The following PTPRT variants were observed in gnomAD, a reference collection of about 807,000 sequenced individuals.
The protein encoded by PTPRT is protein tyrosine phosphatase receptor type T.
PTPRT carries 56 observed loss-of-function variants against 176.8 expected under a neutral mutation model. The ratio of observed to expected loss-of-function variants is 0.32; its 90% CI spans 0.26 to 0.40. The LOEUF is 0.40. Ranked by LOEUF, PTPRT falls within the 10% of genes least tolerant of loss-of-function variation. The pLI, the probability that PTPRT is intolerant of heterozygous loss-of-function variation, is 1.00. For synonymous variants in PTPRT, 783 were observed against 739.0 expected (o/e 1.06, Z -0.96); for missense variants, 1,540 against 1,908.2 (o/e 0.81, Z 3.60).
intron 1 of PTPRT, among the ~76,000 whole-genome samples, chr20:43,073,488 C>G (rs1308385425): frequency 6.6e-6 from 1 of 150,686 alleles, no homozygotes; most frequent in Admixed American, 6.6e-5. Flanking sequence ...TATACACACA[C>G]ACACACGTGT....
intron 13 of PTPRT, among the ~76,000 whole-genome samples, chr20:42,274,371 G>A (rs1479633262): frequency 6.6e-6 from 1 of 152,164 alleles, no homozygotes; most frequent in African/African-American, 2.4e-5. Context: ...AAGCTACTGG[G>A]AGTTGGGTAT....
intron 7 of PTPRT, among the ~76,000 whole-genome samples, chr20:42,482,370 C>T (rs1360363155): frequency 6.6e-6 from 1 of 152,126 alleles, no homozygotes; most frequent in Non-Finnish European, 1.5e-5. Flanking sequence ...GGTCCTCCTA[C>T]CATCCCTAAG....
At chr20:43,124,437 G>A (rs917178247) in intron 1 of PTPRT, among the ~76,000 whole-genome samples, 2 of 152,068 alleles carry the variant, frequency 1.3e-5, no homozygotes, top group Non-Finnish European at 2.9e-5. Context: ...GTCTCTTCTC[G>A]GGAGGAACCA....
intron 7 of PTPRT, among the ~76,000 whole-genome samples, chr20:42,538,534 T>A (rs992365364): frequency 6.6e-6 from 1 of 152,166 alleles, no homozygotes; most frequent in Non-Finnish European, 1.5e-5. Flanking sequence ...TCTTGCTAAT[T>A]GCCACTAATG....
At chr20:42,197,207 G>A (rs968639292) in intron 16 of PTPRT, among the ~76,000 whole-genome samples, 11 of 151,630 alleles carry the variant, frequency 7.3e-5, no homozygotes, top group African/African-American at 2.4e-4. Context: ...GTGAAACCCC[G>A]TCTCGACTAA....
intron 18 of PTPRT, among the ~76,000 whole-genome samples, chr20:42,141,580 C>T (rs1466714338): frequency 6.6e-6 from 1 of 152,186 alleles, no homozygotes; most frequent in Non-Finnish European, 1.5e-5. Flanking sequence ...CATGTCAGCC[C>T]TTTTGGCTGG....
intron 1 of PTPRT, among the ~76,000 whole-genome samples, chr20:42,936,313 G>T (rs1980188230): frequency 6.6e-6 from 1 of 152,200 alleles, no homozygotes; most frequent in African/African-American, 2.4e-5. Context: ...CTATCACATG[G>T]TTGTCTGGGG....
intron 7 of PTPRT, among the ~76,000 whole-genome samples, chr20:42,484,819 A>C (rs2071440672): frequency 6.6e-6 from 1 of 152,194 alleles, no homozygotes; most frequent in Admixed American, 6.5e-5. Flanking sequence ...AACTTCCTTA[A>C]TATTCCACGT....
At chr20:42,095,679 C>G (rs901415789) in intron 27 of PTPRT, among the ~76,000 whole-genome samples, 3 of 152,182 alleles carry the variant, frequency 2.0e-5, no homozygotes, top group African/African-American at 2.4e-5. Context: ...TATAATTGAG[C>G]ACATTAGAGA....
chr20:43,127,021 G>A (rs892728098), intron 1 of PTPRT, among the ~76,000 whole-genome samples: 2 of 152,184 alleles, frequency 1.3e-5, no homozygotes, highest in Non-Finnish European at 2.9e-5. Context: ...ACAGGAAATG[G>A]AAATAAGGCA....
chr20:43,114,407 TA>T (rs201444375), intron 1 of PTPRT, among the ~76,000 whole-genome samples: 30 of 151,202 alleles, frequency 2.0e-4, no homozygotes, highest in Admixed American at 7.3e-4. Context: ...TTTTCTCATC[TA>T]AAAAAAAATG....
At chr20:42,934,992 A>G (rs1279376341) in intron 1 of PTPRT, among the ~76,000 whole-genome samples, 1 of 150,400 alleles carries the variant, frequency 6.6e-6, no homozygotes, top group African/African-American at 2.4e-5. Context: ...CAAGAGAATC[A>G]CTTGAACCCA....
chr20:42,199,641 T>A (rs770314015), intron 15 of PTPRT, among the ~76,000 whole-genome samples: 4 of 152,142 alleles, frequency 2.6e-5, no homozygotes, highest in Non-Finnish European at 5.9e-5. Context: ...CAATGAGACT[T>A]GTACAATGCT....
At chr20:43,175,639 T>C (rs3092786) in intron 1 of PTPRT, among the ~76,000 whole-genome samples, 9,121 of 35,092 alleles carry the variant, frequency 0.26, 1,158 homozygotes, top group East Asian at 0.48. Flanking sequence ...AGAGCGAGAC[T>C]CCGGGCTCTG....
intron 1 of PTPRT, among the ~76,000 whole-genome samples, chr20:42,893,156 A>C (rs1699817762): frequency 6.6e-6 from 1 of 152,184 alleles, no homozygotes; most frequent in South Asian, 2.1e-4. Flanking sequence ...ATGAACTCAA[A>C]CAAATTTACA....
chr20:42,963,182 G>T (rs1008162969), intron 1 of PTPRT, among the ~76,000 whole-genome samples: 2 of 151,842 alleles, frequency 1.3e-5, no homozygotes, highest in African/African-American at 4.8e-5. Flanking sequence ...CTGGGTGACA[G>T]AGCAAGACTC....
At chr20:42,269,723 C>T (rs1342066121) in intron 13 of PTPRT, among the ~76,000 whole-genome samples, 1 of 152,216 alleles carries the variant, frequency 6.6e-6, no homozygotes, top group Non-Finnish European at 1.5e-5. Context: ...TGTTTAGTCT[C>T]AGAGGCCTCT....
intron 16 of PTPRT, among the ~76,000 whole-genome samples, chr20:42,195,318 T>C (rs1012596196): frequency 3.9e-5 from 6 of 152,222 alleles, no homozygotes; most frequent in Non-Finnish European, 1.5e-5. Context: ...TACCTCTCAA[T>C]GCTGCCTCAA....
intron 7 of PTPRT, among the ~76,000 whole-genome samples, chr20:42,511,583 T>C (rs1344564828): frequency 6.6e-6 from 1 of 152,112 alleles, no homozygotes; most frequent in Admixed American, 6.6e-5. Flanking sequence ...AATTTGAATC[T>C]GATGCTATTA....
Sources: gnomAD v4.1 joint callset for allele counts (sites outside exome capture counted in the v4.1 genomes callset) on GRCh38, gnomAD v4.1.1 for gene constraint, MANE v1.5 for transcripts, NCBI Gene and HGNC (gene_info 2026-07-23, HGNC 2026-07-21) for gene names.